The following CD1B variants were observed in gnomAD, a reference collection of about 807,000 sequenced individuals.
CD1B encodes T-cell surface glycoprotein CD1b.
CD1B carries 43 observed loss-of-function variants against 39.8 expected under a neutral mutation model. The observed-to-expected ratio is 1.08, with a 90% CI of 0.85 to 1.39. The LOEUF (loss-of-function observed/expected upper bound fraction) is 1.39, where lower values mean the gene tolerates loss of function less well. CD1B is among the 40% of genes most tolerant of loss of function. The pLI is 0.00. For synonymous variants in CD1B, 192 were observed against 152.5 expected, an observed-to-expected ratio of 1.26 and a Z score of -1.91; for missense variants, 495 against 403.8, an observed-to-expected ratio of 1.23 and a Z score of -1.94.
chr1:158,330,213 T>G (rs753174723), intron 2 of CD1B, 83 bp from the exon 3 acceptor site: 1 of 1,285,638 alleles, frequency 7.8e-7, no homozygotes, highest in South Asian at 1.4e-5. Flanking sequence ...TTTTAGATTT[T>G]GGTGGGGATA....
At chr1:158,313,426 T>A in the CD1B span, among the ~76,000 whole-genome samples, 1 of 152,162 alleles carries the variant, frequency 6.6e-6, no homozygotes, top group Non-Finnish European at 1.5e-5. Flanking sequence ...TCCTCCAACC[T>A]CAGCCTCCTG....
the CD1B span, among the ~76,000 whole-genome samples, chr1:158,305,704 G>C: frequency 2.2e-3 from 342 of 152,346 alleles, 2 homozygotes; most frequent in African/African-American, 8.0e-3. Flanking sequence ...ACCCACAAAG[G>C]GAAGCCCATC....
At chr1:158,307,762 A>C in the CD1B span, among the ~76,000 whole-genome samples, 4 of 152,230 alleles carry the variant, frequency 2.6e-5, no homozygotes, top group Non-Finnish European at 5.9e-5. Flanking sequence ...CATCTTGAAA[A>C]GTCCTTTGAC....
At chr1:158,290,271 T>C in the CD1B span, 2 of 644,160 alleles carry the variant, frequency 3.1e-6, no homozygotes, top group Non-Finnish European at 5.5e-6. Context: ...TGGAGGATGG[T>C]GGCAGAGCAT....
the CD1B span, among the ~76,000 whole-genome samples, chr1:158,301,916 G>C: frequency 6.6e-6 from 1 of 152,138 alleles, no homozygotes; most frequent in Non-Finnish European, 1.5e-5. Context: ...TCACTTTCAG[G>C]TACACAAATC....
At chr1:158,302,830 T>G in the CD1B span, among the ~76,000 whole-genome samples, 1 of 152,150 alleles carries the variant, frequency 6.6e-6, no homozygotes, top group African/African-American at 2.4e-5. Flanking sequence ...AACAGAGAGA[T>G]CCATGGCTGA....
At chr1:158,317,351 G>A in the CD1B span, among the ~76,000 whole-genome samples, 2 of 152,142 alleles carry the variant, frequency 1.3e-5, no homozygotes, top group Non-Finnish European at 2.9e-5. Context: ...CCTGTTATTG[G>A]TCTATTCAGA....
At chr1:158,307,624 A>G in the CD1B span, among the ~76,000 whole-genome samples, 2,213 of 152,286 alleles carry the variant, frequency 0.015, 54 homozygotes, top group African/African-American at 0.048. Flanking sequence ...TGGCAGAGAC[A>G]TAACAAAAAA....
chr1:158,285,405 A>G, the CD1B span, among the ~76,000 whole-genome samples: 1 of 152,206 alleles, frequency 6.6e-6, no homozygotes, highest in Non-Finnish European at 1.5e-5. Flanking sequence ...ACTAAGTGAA[A>G]AGCAATATTT....
At chr1:158,316,321 CTT>C in the CD1B span, among the ~76,000 whole-genome samples, 1 of 151,996 alleles carries the variant, frequency 6.6e-6, no homozygotes, top group Non-Finnish European at 1.5e-5. Flanking sequence ...TTTTTATCCT[CTT>C]TTATTTCATT....
At position 158,331,466 on chromosome 1, in the gene CD1B, G is replaced by C; in HGVS notation, c.-43C>G. ...CTTCTTACTGGCAGAGCTGGTATTT[G>C]ATCTCCAATTTCAGCAAAGCTTTTC... On this transcript the variant is annotated 5_prime_UTR_variant, in exon 1 of 6. The change creates a new upstream start codon in the 5' untranslated region. Transcript: ENST00000368168. 4 of 1,535,466 alleles carry C rather than the reference G, an allele frequency of 2.6e-6. No homozygotes were observed. The highest frequency in any genetic ancestry group is 3.6e-6 in the Non-Finnish European group (4 of 1,110,068).
the CD1B span, among the ~76,000 whole-genome samples, chr1:158,322,593 G>A: frequency 6.6e-6 from 1 of 151,930 alleles, no homozygotes; most frequent in Non-Finnish European, 1.5e-5. Context: ...TTACCAGTGA[G>A]TTTTATACCT....
the CD1B span, among the ~76,000 whole-genome samples, chr1:158,306,350 T>C: frequency 6.6e-6 from 1 of 151,966 alleles, no homozygotes; most frequent in Non-Finnish European, 1.5e-5. Flanking sequence ...TACATAATGG[T>C]AAAGGGATCA....
chr1:158,310,076 A>C, the CD1B span, among the ~76,000 whole-genome samples: 1 of 152,186 alleles, frequency 6.6e-6, no homozygotes, highest in South Asian at 2.1e-4. Context: ...CTATAGTACA[A>C]GGCTACAGTA....
chr1:158,309,034 G>A, the CD1B span, among the ~76,000 whole-genome samples: 1 of 152,160 alleles, frequency 6.6e-6, no homozygotes, highest in Non-Finnish European at 1.5e-5. Flanking sequence ...TACCATCAGA[G>A]TGAACAGGCA....
the CD1B span, among the ~76,000 whole-genome samples, chr1:158,294,888 T>C: frequency 1.3e-5 from 2 of 152,186 alleles, no homozygotes; most frequent in Non-Finnish European, 2.9e-5. Context: ...TGAATATAAC[T>C]TTTTTTGGAG....
chr1:158,292,469 G>A, the CD1B span: 5 of 1,482,372 alleles, frequency 3.4e-6, no homozygotes, highest in African/African-American at 1.4e-5. Context: ...AGAAGCAGGG[G>A]GGTTGCTGGG....
At chr1:158,301,781 T>G in the CD1B span, among the ~76,000 whole-genome samples, 2 of 152,114 alleles carry the variant, frequency 1.3e-5, no homozygotes, top group Non-Finnish European at 1.5e-5. Context: ...GCTCTTCTCA[T>G]GGAGTATCTT....
the CD1B span, among the ~76,000 whole-genome samples, chr1:158,314,268 AG>A: frequency 6.6e-6 from 1 of 152,128 alleles, no homozygotes. Flanking sequence ...TATTTTTAGT[AG>A]AGATGGGGTT....
Sources: gnomAD v4.1 joint callset for allele counts (sites outside exome capture counted in the v4.1 genomes callset) on GRCh38, gnomAD v4.1.1 for gene constraint, MANE v1.5 for transcripts, NCBI Gene and HGNC (gene_info 2026-07-23, HGNC 2026-07-21) for gene names.